SEM1: variants seen among roughly 807,000 people sequenced by gnomAD.
SEM1 encodes the protein SEM1 26S proteasome subunit.
A neutral mutation model predicts 12.7 loss-of-function variants in SEM1; 3 were observed. That is an observed-to-expected ratio of 0.24 (90% CI 0.11 to 0.61). SEM1 has a LOEUF of 0.61. SEM1 is among the 20% of genes least tolerant of loss of function. The pLI, the probability that SEM1 is intolerant of heterozygous loss-of-function variation, is 0.88. For synonymous variants in SEM1, 30 were observed against 27.8 expected, an observed-to-expected ratio of 1.08 and a Z score of -0.25; for missense variants, 59 against 81.3, an observed-to-expected ratio of 0.73 and a Z score of 1.06.
At chr7:96,555,137 T>G (rs1805439510) in intron 2 of SEM1, among the ~76,000 whole-genome samples, 1 of 138,068 alleles carries the variant, frequency 7.2e-6, no homozygotes, top group Admixed American at 7.6e-5. Context: ...GTTGATCCTT[T>G]CAAAAAACCA....
intron 2 of SEM1, among the ~76,000 whole-genome samples, chr7:96,567,941 TACAC>T (rs60024164): frequency 4.7e-5 from 7 of 149,804 alleles, no homozygotes; most frequent in Admixed American, 2.7e-4. Context: ...TGCACACACA[TACAC>T]ACACACACTC....
chr7:96,684,729 G>A (rs1789713624), downstream of SEM1, among the ~76,000 whole-genome samples: 1 of 152,016 alleles, frequency 6.6e-6, no homozygotes, highest in South Asian at 2.1e-4. Flanking sequence ...ATAATGAAGG[G>A]TTCTCTTCTC....
intron 2 of SEM1, among the ~76,000 whole-genome samples, chr7:96,517,468 T>C (rs1222627117): frequency 6.6e-6 from 1 of 152,162 alleles, no homozygotes; most frequent in Non-Finnish European, 1.5e-5. Context: ...CTTTTCAACA[T>C]ATGTATAGTT....
At chr7:96,626,612 T>C (rs941358216) in intron 2 of SEM1, among the ~76,000 whole-genome samples, 4 of 152,182 alleles carry the variant, frequency 2.6e-5, no homozygotes, top group Non-Finnish European at 1.5e-5. Context: ...TGTTGAACCA[T>C]CCTTGAATAC....
At chr7:96,589,750 A>G (rs1806769041) in intron 2 of SEM1, among the ~76,000 whole-genome samples, 1 of 152,224 alleles carries the variant, frequency 6.6e-6, no homozygotes, top group African/African-American at 2.4e-5. Context: ...TTTGTTTCCT[A>G]ATATTTTTCC....
At chr7:96,665,638 T>C (rs1445918933) in intron 2 of SEM1, among the ~76,000 whole-genome samples, 1 of 152,214 alleles carries the variant, frequency 6.6e-6, no homozygotes, top group African/African-American at 2.4e-5. Flanking sequence ...AGAAAAATAT[T>C]ATTCATAGCA....
rs905741508 is a variant in SEM1, at chr7:96,491,467, A to T, written c.12+4817T>A. ...CTGAGCAAACGTCAGCTTTCTGAGAACTTGGAAGTTTTCTCACATCTTACT... is the reference window on the plus strand; with the variant it reads ...CTGAGCAAACGTCAGCTTTCTGAGATCTTGGAAGTTTTCTCACATCTTACT... On this transcript the variant is annotated intron_variant, in intron 1 of 3. Coordinates refer to the SEM1 transcript ENST00000356686. Among the ~76,000 whole-genome samples, 3 of 152,182 alleles carry T rather than the reference A, an allele frequency of 2.0e-5. 1 individual carries two copies. The highest frequency in any genetic ancestry group is 2.0e-4 in the Admixed American group (3 of 15,280).
intron 2 of SEM1, among the ~76,000 whole-genome samples, chr7:96,540,980 C>T (rs545175657): frequency 5.3e-5 from 8 of 151,818 alleles, no homozygotes; most frequent in Non-Finnish European, 8.8e-5. Flanking sequence ...TTTAATCCAC[C>T]ATTGATGGGC....
At chr7:96,571,595 T>A (rs1245939903) in intron 2 of SEM1, among the ~76,000 whole-genome samples, 1 of 150,396 alleles carries the variant, frequency 6.6e-6, no homozygotes, top group Admixed American at 6.7e-5. Flanking sequence ...CGCACATATA[T>A]ACATATATAT....
At chr7:96,597,616 T>C (rs1340224763) in intron 2 of SEM1, among the ~76,000 whole-genome samples, 1 of 151,940 alleles carries the variant, frequency 6.6e-6, no homozygotes, top group East Asian at 1.9e-4. Context: ...GCACTTTATT[T>C]ATGTTTTGGT....
intron 2 of SEM1, among the ~76,000 whole-genome samples, chr7:96,616,834 C>T (rs995072844): frequency 1.3e-5 from 2 of 151,984 alleles, no homozygotes; most frequent in African/African-American, 4.8e-5. Context: ...TTTTTATTGA[C>T]TTGTCAAAGA....
upstream of SEM1, among the ~76,000 whole-genome samples, chr7:96,498,776 A>G (rs1352999669): frequency 6.6e-6 from 1 of 152,156 alleles, no homozygotes; most frequent in Non-Finnish European, 1.5e-5. Context: ...GTCGAGGAGC[A>G]GGGAGATGTT....
At chr7:96,491,249 T>C (rs1802995070) in intron 1 of SEM1, among the ~76,000 whole-genome samples, 1 of 152,238 alleles carries the variant, frequency 6.6e-6, no homozygotes, top group Non-Finnish European at 1.5e-5. Context: ...TTAGAAGTTA[T>C]GAAAATATCT....
In SEM1 at chr7:96,674,542, T is replaced by G. The variant is rs1056597822; in HGVS notation, c.171-683A>C. Among the ~76,000 whole-genome samples the G allele has an allele frequency of 1.2e-4, 18 of 151,996 alleles. 1 individual carries two copies. The highest frequency in any genetic ancestry group is 2.6e-4 in the Non-Finnish European group (18 of 68,004). On this transcript the variant is annotated intron_variant, in intron 2 of 2. Coordinates refer to the SEM1 transcript ENST00000413065. Reference sequence around the variant, plus strand: ...AGCTGAGCGTGGTGGTGCATGCCTGTGGTCCCAGAAGATACTTGGGAAGCT... The same window carrying G: ...AGCTGAGCGTGGTGGTGCATGCCTGGGGTCCCAGAAGATACTTGGGAAGCT...
chr7:96,481,819 G>A (rs1271788224), exon 4 of SEM1: 1 of 152,030 alleles, frequency 6.6e-6, no homozygotes, highest in East Asian at 1.9e-4. Flanking sequence ...CCAATATAAA[G>A]AATTGGTACC....
intron 2 of SEM1, among the ~76,000 whole-genome samples, chr7:96,643,613 T>C (rs1053267101): frequency 6.6e-6 from 1 of 152,100 alleles, no homozygotes; most frequent in Non-Finnish European, 1.5e-5. Context: ...CACCATGGAA[T>C]ACTATGCAGC....
intron 1 of SEM1, chr7:96,696,359 A>G (rs1426529458): frequency 1.3e-5 from 2 of 152,036 alleles, no homozygotes; most frequent in Admixed American, 1.3e-4. Context: ...AGTACTTCAT[A>G]GTTATGACAC....
chr7:96,625,125 A>C (rs578101201), intron 2 of SEM1, among the ~76,000 whole-genome samples: 1 of 152,134 alleles, frequency 6.6e-6, no homozygotes, highest in Non-Finnish European at 1.5e-5. Context: ...TTTTGCCATT[A>C]GGGAATCCCA....
intron 2 of SEM1, chr7:96,622,837 A>T (rs1335585020): frequency 1.9e-6 from 1 of 537,402 alleles, no homozygotes; most frequent in Admixed American, 3.1e-5. Flanking sequence ...ACTTACATAA[A>T]TACAGACATT....
Sources: gnomAD v4.1 joint callset for allele counts (sites outside exome capture counted in the v4.1 genomes callset) on GRCh38, gnomAD v4.1.1 for gene constraint, MANE v1.5 for transcripts, NCBI Gene and HGNC (gene_info 2026-07-23, HGNC 2026-07-21) for gene names.